XKR6: variants seen among roughly 807,000 people sequenced by gnomAD.
XKR6 encodes the protein XK related 6.
A neutral mutation model predicts 56.7 loss-of-function variants in XKR6; 22 were observed. That is an observed-to-expected ratio of 0.39 (90% confidence interval 0.28 to 0.55). The LOEUF (loss-of-function observed/expected upper bound fraction) is 0.55, where lower values mean the gene tolerates loss of function less well. Ranked by LOEUF, XKR6 falls within the 20% of genes least tolerant of loss-of-function variation. The probability of loss-of-function intolerance (pLI) is 0.66; values close to 1 mark genes in which losing one functional copy is unlikely to be tolerated. For synonymous variants in XKR6, 524 were observed against 387.8 expected (o/e 1.35, Z -4.13); for missense variants, 852 against 889.0 (o/e 0.96, Z 0.53).
At chr8:10,902,512 G>A (rs1303895031) in intron 2 of XKR6, among the ~76,000 whole-genome samples, 1 of 152,138 alleles carries the variant, frequency 6.6e-6, no homozygotes, top group Non-Finnish European at 1.5e-5. Flanking sequence ...TTCTCCGTCT[G>A]GTCCCTCTGT....
chr8:10,957,497 A>G (rs766007834), intron 1 of XKR6, among the ~76,000 whole-genome samples: 1 of 152,124 alleles, frequency 6.6e-6, no homozygotes, highest in Non-Finnish European at 1.5e-5. Flanking sequence ...CTCAGCAATG[A>G]CAAGATGCAG....
At chr8:10,902,756 G>A (rs1774620357) in intron 2 of XKR6, among the ~76,000 whole-genome samples, 1 of 152,220 alleles carries the variant, frequency 6.6e-6, no homozygotes, top group Admixed American at 6.5e-5. Flanking sequence ...ACCACACAGA[G>A]CAATGGGGAG....
chr8:11,184,855 C>G (rs557829667), intron 1 of XKR6, among the ~76,000 whole-genome samples: 2 of 152,284 alleles, frequency 1.3e-5, no homozygotes, highest in South Asian at 4.1e-4. Flanking sequence ...TTCAGATCAT[C>G]TGAATCCATC....
chr8:10,989,199 C>A (rs4841468), intron 1 of XKR6, among the ~76,000 whole-genome samples: 37,398 of 151,988 alleles, frequency 0.25, 5,364 homozygotes, highest in Middle Eastern at 0.34. Flanking sequence ...TAGTCAGAGC[C>A]CAGTGGTTGA....
At chr8:10,910,088 G>T (rs1348822317) in intron 2 of XKR6, among the ~76,000 whole-genome samples, 1 of 152,012 alleles carries the variant, frequency 6.6e-6, no homozygotes, top group Admixed American at 6.6e-5. Context: ...GGGGACATTT[G>T]TCGACATCTG....
Position 11,200,999 on chromosome 8 carries a change from C to T in XKR6, c.341G>A (p.Arg114Gln). 1 of 1,447,062 alleles carries T rather than the reference C, an allele frequency of 6.9e-7. No homozygotes were observed. The allele number at this position is 1,447,062 out of a possible 1,614,324, so 89.6% of individuals were successfully genotyped here. ...GRQPPTPSAA[R>Q]PEPPPPQVER... ...CACCTGCGGCGGCGGCGGCTCCGGC[C>T]GCGCGGCCGAGGGCGTCGGGGGTTG... Residue 114 changes from arginine (R) to glutamine (Q), a missense_variant, in exon 1 of 3, where the codon CGG becomes CAG. This residue lies in a region of XKR6 where 417 missense variants were observed against 355.2 expected (regional missense o/e 1.17). Coordinates refer to ENST00000416569, the MANE Select transcript of XKR6 (RefSeq NM_173683.4). This position sits in a 1 kb window ranked among gnomAD's most constrained non-coding sequence, Gnocchi z 6.4.
intron 1 of XKR6, among the ~76,000 whole-genome samples, chr8:11,163,365 G>A (rs1801915674): frequency 6.6e-6 from 1 of 151,846 alleles, no homozygotes; most frequent in Admixed American, 6.5e-5. Flanking sequence ...TACTGTTGCA[G>A]GGAAAATGTG....
intron 1 of XKR6, among the ~76,000 whole-genome samples, chr8:11,077,896 G>C (rs1007061664): frequency 1.2e-4 from 19 of 152,198 alleles, no homozygotes; most frequent in Non-Finnish European, 2.5e-4. Flanking sequence ...ACAGAAGAGA[G>C]GCTCAATCCG....
chr8:10,990,496 T>C (rs1184910817), intron 1 of XKR6, among the ~76,000 whole-genome samples: 1 of 152,194 alleles, frequency 6.6e-6, no homozygotes, highest in Admixed American at 6.5e-5. Flanking sequence ...GAAAAGCCTG[T>C]TCTGGCCCTG....
intron 1 of XKR6, among the ~76,000 whole-genome samples, chr8:11,187,650 C>T (rs1788894866): frequency 1.3e-5 from 2 of 152,050 alleles, no homozygotes; most frequent in African/African-American, 2.4e-5. Context: ...TAAGAAAAAT[C>T]AGTCATATCA....
At chr8:11,101,132 C>T (rs765875941) in intron 1 of XKR6, among the ~76,000 whole-genome samples, 2 of 152,206 alleles carry the variant, frequency 1.3e-5, no homozygotes, top group Non-Finnish European at 2.9e-5. Context: ...GTACTGTGCA[C>T]CTCAGCTACA....
intron 1 of XKR6, among the ~76,000 whole-genome samples, chr8:11,092,175 T>G (rs1258787052): frequency 6.6e-6 from 1 of 152,212 alleles, no homozygotes; most frequent in Non-Finnish European, 1.5e-5. Flanking sequence ...CTTAAAACTT[T>G]CAGGTTTGCG....
chr8:10,918,919 C>T (rs915942112), intron 2 of XKR6, among the ~76,000 whole-genome samples: 1 of 152,228 alleles, frequency 6.6e-6, no homozygotes, highest in African/African-American at 2.4e-5. Flanking sequence ...AACCTCACAC[C>T]TGGCCCACCA....
At chr8:11,082,371 G>C (rs1285529238) in intron 1 of XKR6, among the ~76,000 whole-genome samples, 2 of 152,206 alleles carry the variant, frequency 1.3e-5, no homozygotes, top group Non-Finnish European at 2.9e-5. Flanking sequence ...GAAGGGCTTG[G>C]TTAAGACAGC....
At chr8:11,125,655 C>T (rs893487628) in intron 1 of XKR6, 1 of 152,108 alleles carries the variant, frequency 6.6e-6, no homozygotes, top group Non-Finnish European at 1.5e-5. Context: ...TTCCCTGTTC[C>T]TTAATTGCAG....
chr8:10,972,212 T>G (rs1466692735), intron 1 of XKR6, among the ~76,000 whole-genome samples: 1 of 152,176 alleles, frequency 6.6e-6, no homozygotes, highest in Non-Finnish European at 1.5e-5. Flanking sequence ...CTATTTTGAT[T>G]ATCAGCCCAG....
chr8:11,178,362 C>T (rs1168051232), intron 1 of XKR6, among the ~76,000 whole-genome samples: 1 of 151,804 alleles, frequency 6.6e-6, no homozygotes, highest in Non-Finnish European at 1.5e-5. Context: ...TGAATTATCT[C>T]ATGAGTCTTA....
chr8:11,164,540 G>C (rs565888368), intron 1 of XKR6, among the ~76,000 whole-genome samples: 1 of 152,314 alleles, frequency 6.6e-6, no homozygotes, highest in South Asian at 2.1e-4. Flanking sequence ...CTTGTTTTAA[G>C]TCCCTATCTT....
At chr8:11,069,272 C>T (rs1001183508) in intron 1 of XKR6, among the ~76,000 whole-genome samples, 2 of 152,110 alleles carry the variant, frequency 1.3e-5, no homozygotes, top group Non-Finnish European at 2.9e-5. Context: ...TTGGAGGGAC[C>T]GACTCTGGCC....
Sources: gnomAD v4.1 joint callset for allele counts (sites outside exome capture counted in the v4.1 genomes callset) on GRCh38, gnomAD v4.1.1 for gene constraint, gnomAD v4.1.1 regional missense constraint, Gnocchi (gnomAD v3.1) non-coding constraint, MANE v1.5 for transcripts, NCBI Gene and HGNC (gene_info 2026-07-23, HGNC 2026-07-21) for gene names.